Variants in RHBDF2 observed in about 807,000 individuals in gnomAD.
The protein encoded by RHBDF2 is rhomboid 5 homolog 2.
In RHBDF2, 38 loss-of-function variants were observed where a neutral mutation model predicts 95.2. The observed-to-expected ratio is 0.40, with a 90% CI of 0.31 to 0.52. RHBDF2 has a LOEUF of 0.52. Among genes scored for constraint, RHBDF2 ranks in the 20% least tolerant of loss-of-function variants. RHBDF2 has a pLI of 0.56. For synonymous variants in RHBDF2, 442 were observed against 462.0 expected (o/e 0.96, Z 0.55); for missense variants, 863 against 1,137.7 (o/e 0.76, Z 3.47).
In RHBDF2 at chr17:76,473,095, A is replaced by G; in HGVS notation, c.1820T>C (p.Leu607Ser). The G allele has an allele frequency of 6.2e-7, 1 of 1,613,968 alleles. No homozygotes were observed. The change falls in exon 17 of 19, where the codon TTG becomes TCG. Residue 607 changes from leucine to serine, a missense_variant. Leu to Ser is a moderately radical substitution (Grantham distance 145). Around this residue, in one of 2 missense-constraint regions of RHBDF2, gnomAD observed 252 missense variants for 412.2 expected, o/e 0.61. Transcript: ENST00000675367. ...EATLCSQVHC[L>S]DKVCGLLPFL... ...GGGCAGCAGCCCACACACCTTGTCC[A>G]AGCAGTGCACCTGGGAGTGGGCATA...
chr17:76,484,736 C>G (rs1026926888), intron 2 of RHBDF2, among the ~76,000 whole-genome samples: 1 of 152,222 alleles, frequency 6.6e-6, no homozygotes, highest in Non-Finnish European at 1.5e-5. Context: ...CTCTTCGTCT[C>G]TTCCTGTGCC....
Position 76,496,763 on chromosome 17 carries a change from T to A in RHBDF2, c.-220+4590A>T, listed in dbSNP as rs536653028. On this transcript the variant is annotated intron_variant, in intron 1 of 18. Coordinates refer to ENST00000675367, the MANE Select transcript of RHBDF2 (RefSeq NM_001005498.4). ...ACCCTCCTCTTCCAGATCTCTTTTT[T>A]TTTTCTTTTATTTTTTGAGACGGAG... 7.6e-4 allele frequency among the ~76,000 whole-genome samples: 116 copies of A among 152,262 alleles called. 1 individual carries two copies. Among genetic ancestry groups the A allele is most frequent in the Non-Finnish European group, 1.8e-4 (12 of 68,006 alleles).
In RHBDF2 at chr17:76,499,094, GA is replaced by G. The variant is rs139526838; in HGVS notation, c.-220+2258del. ...GGCCACTTTTGTTTTTTGTGCAAAT[GA>G]AAAGGTGGGAGTTTCACTTCAGCCT... On this transcript the variant is annotated intron_variant, in intron 1 of 18. Coordinates refer to ENST00000675367, the MANE Select transcript of RHBDF2 (RefSeq NM_001005498.4). Among the ~76,000 whole-genome samples, 549 of 152,112 alleles carry G rather than the reference GA, an allele frequency of 3.6e-3. 4 individuals are homozygous for G. The highest frequency in any genetic ancestry group is 0.012 in the African/African-American group (512 of 41,474).
rs749159108 is a variant in RHBDF2 at position 76,472,831 on chromosome 17, T to G, written c.1919A>C (p.His640Pro). Residue 640 changes from histidine to proline, a missense_variant, in exon 18 of 19, where the codon CAC (histidine) becomes CCC (proline). Coordinates refer to ENST00000675367, the MANE Select transcript of RHBDF2 (RefSeq NM_001005498.4). ...LSLFLHAGVV[H>P]CLVSVVFQMT... ...TTGAAAGACCACAGACACGAGGCAG[T>G]GCACCACGCTGGGGGAGGGACACAC... 2 of 1,591,088 alleles carry G rather than the reference T, an allele frequency of 1.3e-6. No individual in the cohort carries two copies. Among genetic ancestry groups the G allele is most frequent in the African/African-American group, 2.7e-5 (2 of 74,450 alleles).
At chr17:76,472,106 C>T (rs933721130) in intron 18 of RHBDF2, 54 bp from the exon 19 acceptor site, 14 of 1,473,266 alleles carry the variant, frequency 9.5e-6, no homozygotes, top group African/African-American at 1.4e-5. Context: ...TGGCCTGGGC[C>T]GGGCCTGCAC....
chr17:76,481,606 T>C (rs529833308), intron 2 of RHBDF2, 61 bp from the exon 3 acceptor site: 3 of 1,471,512 alleles, frequency 2.0e-6, no homozygotes, highest in Non-Finnish European at 2.8e-6. Flanking sequence ...GTCAGGACCC[T>C]GACGCCAGGG....
chr17:76,492,700 A>C (rs1284560154), intron 1 of RHBDF2, among the ~76,000 whole-genome samples: 1 of 152,176 alleles, frequency 6.6e-6, no homozygotes, highest in Non-Finnish European at 1.5e-5. Flanking sequence ...AGAAGCTCTG[A>C]GTCTTGCTAA....
Position 76,473,682 on chromosome 17 carries a change from T to C in RHBDF2, c.1699A>G (p.Lys567Glu). 1 of 1,611,620 alleles carries C rather than the reference T, an allele frequency of 6.2e-7. No homozygotes were observed. Among genetic ancestry groups the C allele is most frequent in the Non-Finnish European group, 8.5e-7 (1 of 1,179,126 alleles). Residue 567 changes from lysine to glutamate, a missense_variant, in exon 15 of 19, where the codon AAG becomes GAG. By Grantham distance (56) the Lys-to-Glu change is moderately conservative. Coordinates refer to ENST00000675367, the MANE Select transcript of RHBDF2 (RefSeq NM_001005498.4). ...TGFLHMDCEI[K>E]GRPCCIGTKG... is the part of the protein sequence containing the mutation. ...GTGCCGATGCAGCAGGGGCGGCCCT[T>C]GATCTCGCAGTCCATGTGCAGGAAG...
intron 2 of RHBDF2, among the ~76,000 whole-genome samples, chr17:76,487,252 ATT>A (rs35456053): frequency 4.1e-4 from 55 of 134,718 alleles, no homozygotes; most frequent in Middle Eastern, 3.7e-3. Flanking sequence ...TGCCTGGCAA[ATT>A]TTTTTTTTTT....
At chr17:76,473,990 G>T in intron 13 of RHBDF2, 43 bp downstream of exon 13, 1 of 1,603,796 alleles carries the variant, frequency 6.2e-7, no homozygotes. Context: ...AGATGGCATG[G>T]CTATGCCTGA....
At chr17:76,497,792 T>C (rs990634641) in intron 1 of RHBDF2, among the ~76,000 whole-genome samples, 2 of 152,192 alleles carry the variant, frequency 1.3e-5, no homozygotes, top group Non-Finnish European at 2.9e-5. Flanking sequence ...AGCACACACA[T>C]GGACGACTGT....
rs1255481284 is a variant in RHBDF2, at chr17:76,473,636, C to G, written c.1733+12G>C. 1.3e-6 allele frequency: 2 copies of G among 1,594,306 alleles called. No individual in the cohort carries two copies. The highest frequency in any genetic ancestry group is 2.7e-5 in the African/African-American group (2 of 74,596). ...CAGTGGGATGGCTGAGGCCAGGGCCCAGGTCGCTCACCTGCCCTTGGTGCC... is the reference window on the plus strand; with the variant it reads ...CAGTGGGATGGCTGAGGCCAGGGCCGAGGTCGCTCACCTGCCCTTGGTGCC... On this transcript the variant is annotated intron_variant, in intron 15 of 18. Coordinates refer to ENST00000675367, the MANE Select transcript of RHBDF2 (RefSeq NM_001005498.4).
Position 76,473,871 on chromosome 17 carries a change from G to A in RHBDF2, c.1606C>T (p.His536Tyr), listed in dbSNP as rs780041318. 2 of 1,613,940 alleles carry A rather than the reference G, an allele frequency of 1.2e-6. No homozygotes were observed. The highest frequency in any genetic ancestry group is 2.7e-5 in the African/African-American group (2 of 74,928). Reference sequence around the variant, plus strand: ...TTAGTGATGTCATCGGGCCAGATGTGGGCACCGCTGGAGGCTGGCTCCTCG... The same window carrying A: ...TTAGTGATGTCATCGGGCCAGATGTAGGCACCGCTGGAGGCTGGCTCCTCG... ...TCEEPASSGA[H>Y]IWPDDITKWP... is the part of the protein sequence containing the mutation. Residue 536 changes from histidine to tyrosine, a missense_variant, in exon 14 of 19, where the codon CAC (histidine) becomes TAC (tyrosine). Around this residue, in one of 2 missense-constraint regions of RHBDF2, gnomAD observed 252 missense variants for 412.2 expected, o/e 0.61. Coordinates refer to ENST00000675367, the MANE Select transcript of RHBDF2 (RefSeq NM_001005498.4).
chr17:76,480,619 C>A (rs1426276370), intron 3 of RHBDF2, among the ~76,000 whole-genome samples: 1 of 152,166 alleles, frequency 6.6e-6, no homozygotes, highest in Admixed American at 6.5e-5. Flanking sequence ...CTCCTGGGCT[C>A]AAGTGATCTG....
intron 16 of RHBDF2, 32 bp from the exon 17 acceptor site, chr17:76,473,137 A>G: frequency 6.2e-7 from 1 of 1,600,926 alleles, no homozygotes; most frequent in Non-Finnish European, 8.6e-7. Context: ...TCAGCGCCCC[A>G]GAAGCAGGCT....
chr17:76,473,779 G>T (rs369812903), intron 14 of RHBDF2, 37 bp from the exon 15 acceptor site: 6 of 1,611,918 alleles, frequency 3.7e-6, no homozygotes, highest in Non-Finnish European at 5.1e-6. Context: ...AGTGGGCTGT[G>T]CAGCAGGCAG....
At chr17:76,482,292 C>CTGG (rs1329597175) in intron 2 of RHBDF2, among the ~76,000 whole-genome samples, 1 of 151,762 alleles carries the variant, frequency 6.6e-6, no homozygotes, top group African/African-American at 2.4e-5. Flanking sequence ...ACCTACTGTG[C>CTGG]TGGTCCCTGT....
At chr17:76,480,672 C>T (rs368973728) in intron 3 of RHBDF2, among the ~76,000 whole-genome samples, 6 of 152,296 alleles carry the variant, frequency 3.9e-5, no homozygotes, top group South Asian at 2.1e-4. Context: ...AGGCATGAGG[C>T]GACCTCGCCC....
chr17:76,487,100 A>C (rs2074156406), intron 2 of RHBDF2, among the ~76,000 whole-genome samples: 1 of 151,458 alleles, frequency 6.6e-6, no homozygotes, highest in Non-Finnish European at 1.5e-5. Context: ...TTGGGATTAC[A>C]GGCATGCACC....
Sources: allele counts gnomAD v4.1 joint callset (sites outside exome capture counted in the v4.1 genomes callset), GRCh38; gene constraint gnomAD v4.1.1; regional missense constraint gnomAD v4.1.1; transcripts MANE v1.5; gene names NCBI Gene and HGNC (gene_info 2026-07-23, HGNC 2026-07-21).